Variants in UBR1 observed in about 807,000 individuals in gnomAD.
UBR1 encodes the protein ubiquitin protein ligase E3 component n-recognin 1.
In UBR1, 102 loss-of-function variants were observed where a neutral mutation model predicts 242.1. The observed-to-expected ratio is 0.42, with a 90% CI of 0.36 to 0.50. The LOEUF (loss-of-function observed/expected upper bound fraction) is 0.50, where lower values mean the gene tolerates loss of function less well. UBR1 is among the 20% of genes least tolerant of loss of function. The probability of loss-of-function intolerance (pLI) is 0.01; values close to 1 mark genes in which losing one functional copy is unlikely to be tolerated. For missense variants in UBR1, 1,772 were observed against 2,101.8 expected (o/e 0.84, Z 3.07); for synonymous variants, 675 against 684.8 (o/e 0.99, Z 0.22).
At chr15:43,021,179 A>C (rs1289453741) in intron 27 of UBR1, 96 bp downstream of exon 27, 2 of 916,028 alleles carry the variant, frequency 2.2e-6, no homozygotes, top group Non-Finnish European at 3.5e-6. Flanking sequence ...ACCAGTAGTA[A>C]ATGTCTACAA....
At chr15:42,967,245 T>C (rs1487488577) in intron 40 of UBR1, among the ~76,000 whole-genome samples, 2 of 84,916 alleles carry the variant, frequency 2.4e-5, no homozygotes, top group Admixed American at 1.5e-4. Flanking sequence ...TTTTTTTAAA[T>C]AGAGACAAGG....
In UBR1 at chr15:43,058,950, T is replaced by G. The variant is rs2033649891; in HGVS notation, c.1093+135A>C. ...CATACTGACTGGTTAAACTTTATAT[T>G]CACATGTAGTATCTTATCAATCAAG... On this transcript the variant is annotated intron_variant, in intron 9 of 46. Transcript: ENST00000290650. The G allele has an allele frequency of 5.2e-6, 4 of 762,760 alleles. No individual in the cohort carries two copies. In the South Asian group the frequency reaches 6.3e-5, roughly 12 times the overall value. 47.2% of individuals were successfully genotyped at this position (762,760 alleles called of 1,614,324 possible). A position where few individuals can be genotyped will look rare whatever the true frequency, so the allele number is the denominator to read the frequency against.
intron 34 of UBR1, 27 bp from the exon 35 acceptor site, chr15:42,988,994 T>C (rs2032516993): frequency 6.4e-7 from 1 of 1,570,400 alleles, no homozygotes; most frequent in Non-Finnish European, 8.8e-7. Context: ...AAAATTTGTA[T>C]GATTTAGTAA....
Position 42,944,631 on chromosome 15 carries a change from A to ACTC in UBR1, c.*697_*698insGAG, listed in dbSNP as rs1335277230. ...AAACTCAACAAAGCTACTGGTAGTC[A>ACTC]GAGGTGAGAACTGCAAGCTCTTTGT... On this transcript the variant is annotated 3_prime_UTR_variant, in exon 47 of 47. Coordinates refer to ENST00000290650, the MANE Select transcript of UBR1 (RefSeq NM_174916.3). 7.9e-5 allele frequency: 12 copies of ACTC among 152,438 alleles called. No individual in the cohort carries two copies. Among genetic ancestry groups the ACTC allele is most frequent in the African/African-American group, 2.9e-4 (12 of 41,594 alleles). 9.4% of individuals were successfully genotyped at this position (152,438 alleles called of 1,614,324 possible).
At chr15:43,011,931 G>A (rs565566134) in intron 29 of UBR1, 18 of 453,364 alleles carry the variant, frequency 4.0e-5, no homozygotes, top group South Asian at 2.5e-4. Context: ...CAATGATGTA[G>A]AATCTACATT....
chr15:43,074,866 T>C, intron 4 of UBR1, 113 bp downstream of exon 4: 3 of 889,584 alleles, frequency 3.4e-6, no homozygotes, highest in Non-Finnish European at 5.6e-6. Context: ...CACCTAAATA[T>C]GAGAATAAAA....
intron 5 of UBR1, among the ~76,000 whole-genome samples, chr15:43,069,426 G>A (rs1331815288): frequency 6.6e-6 from 1 of 151,942 alleles, no homozygotes; most frequent in Non-Finnish European, 1.5e-5. Context: ...ACGGGGGCCC[G>A]CCATGATGCC....
At chr15:43,024,803 A>G in intron 25 of UBR1, 26 bp downstream of exon 25, 6 of 1,614,102 alleles carry the variant, frequency 3.7e-6, no homozygotes, top group Non-Finnish European at 4.2e-6. Flanking sequence ...GACTTGATGT[A>G]GAGAAAATAT....
Position 43,056,373 on chromosome 15 carries a change from A to C in UBR1, c.1252T>G (p.Ser418Ala). ...HDRSISITALSVQMFTVPTLA... is the reference protein window; with the variant it reads ...HDRSISITALAVQMFTVPTLA... The stretch of plus-strand genomic sequence containing the variant: ...GTAGGAACAGTAAACATCTGAACTG[A>C]AAGTGCAGTTATAGAGATACTTCTG... Residue 418 changes from serine to alanine, a missense_variant, in exon 11 of 47, where the codon TCA (serine) becomes GCA (alanine). Ser to Ala is a moderately conservative substitution (Grantham distance 99). Around this residue, in one of 3 missense-constraint regions of UBR1, gnomAD observed 734 missense variants for 893.3 expected, o/e 0.82. Coordinates refer to ENST00000290650, the MANE Select transcript of UBR1 (RefSeq NM_174916.3). 1 of 1,612,686 alleles carries C rather than the reference A, an allele frequency of 6.2e-7. No homozygotes were observed. Among genetic ancestry groups the C allele is most frequent in the African/African-American group, 1.3e-5 (1 of 75,044 alleles).
At chr15:43,058,473 C>T in intron 9 of UBR1, 44 bp from the exon 10 acceptor site, 1 of 1,480,624 alleles carries the variant, frequency 6.8e-7, no homozygotes, top group South Asian at 1.2e-5. Context: ...GGAGAATCAC[C>T]AAGGCAAAAA....
intron 15 of UBR1, among the ~76,000 whole-genome samples, chr15:43,042,876 A>G (rs577725949): frequency 2.0e-5 from 3 of 152,290 alleles, no homozygotes; most frequent in Admixed American, 2.0e-4. Flanking sequence ...CAGATAATAC[A>G]CCAGTGAAAT....
intron 39 of UBR1, among the ~76,000 whole-genome samples, chr15:42,973,931 C>T (rs1004938075): frequency 1.3e-5 from 2 of 148,658 alleles, no homozygotes; most frequent in Non-Finnish European, 3.0e-5. Context: ...CACTCTCTCC[C>T]AGTCTGTAGT....
chr15:43,006,775 A>G (rs1465284530), intron 30 of UBR1, among the ~76,000 whole-genome samples: 1 of 152,208 alleles, frequency 6.6e-6, no homozygotes, highest in Admixed American at 6.5e-5. Context: ...AGCTACTATC[A>G]TAAAAAAAGG....
intron 39 of UBR1, among the ~76,000 whole-genome samples, chr15:42,974,875 T>G (rs1234785492): frequency 2.0e-5 from 3 of 152,118 alleles, no homozygotes; most frequent in Non-Finnish European, 4.4e-5. Flanking sequence ...TGGGCTTGGC[T>G]CACATAAACT....
chr15:42,972,076 T>C (rs2032215969), intron 39 of UBR1, among the ~76,000 whole-genome samples: 1 of 152,246 alleles, frequency 6.6e-6, no homozygotes, highest in Non-Finnish European at 1.5e-5. Flanking sequence ...GTTTACATTC[T>C]ATGAGTTTGG....
chr15:42,985,989 CAAAAAAAAAA>C (rs1230190123), intron 35 of UBR1, among the ~76,000 whole-genome samples: 2 of 47,068 alleles, frequency 4.2e-5, no homozygotes, highest in South Asian at 7.7e-4. Flanking sequence ...GACCCTGTCT[CAAAAAAAAAA>C]AAAAAAAAAA....
intron 26 of UBR1, among the ~76,000 whole-genome samples, chr15:43,021,804 T>C (rs771182045): frequency 1.3e-5 from 2 of 152,252 alleles, no homozygotes; most frequent in African/African-American, 2.4e-5. Flanking sequence ...TTCTAGTTAA[T>C]GTTATTTACA....
At chr15:43,059,239 C>A (rs1268291918) in intron 8 of UBR1, 47 bp from the exon 9 acceptor site, 13 of 1,546,216 alleles carry the variant, frequency 8.4e-6, no homozygotes, top group Non-Finnish European at 1.2e-5. Context: ...TATTCTTTTT[C>A]TTTTTAAATA....
At chr15:43,059,895 C>G in intron 7 of UBR1, 70 bp from the exon 8 acceptor site, 1 of 1,589,940 alleles carries the variant, frequency 6.3e-7, no homozygotes, top group Non-Finnish European at 8.6e-7. Context: ...ATTTATACTT[C>G]AAATGAAGAA....
Sources: gnomAD v4.1 joint callset for allele counts (sites outside exome capture counted in the v4.1 genomes callset) on GRCh38, gnomAD v4.1.1 for gene constraint, gnomAD v4.1.1 regional missense constraint, MANE v1.5 for transcripts, NCBI Gene and HGNC (gene_info 2026-07-23, HGNC 2026-07-21) for gene names.